SPOCK3: variants seen among roughly 807,000 people sequenced by gnomAD.
SPOCK3 encodes the protein testican-3.
SPOCK3 carries 30 observed loss-of-function variants against 56.6 expected under a neutral mutation model. The ratio of observed to expected loss-of-function variants is 0.53; its 90% CI spans 0.40 to 0.72. The LOEUF is 0.72. Ranked by LOEUF, SPOCK3 falls within the 30% of genes least tolerant of loss-of-function variation. The pLI is 0.00. For synonymous variants in SPOCK3, 196 were observed against 183.3 expected (o/e 1.07, Z -0.56); for missense variants, 527 against 530.0 (o/e 0.99, Z 0.06).
intron 7 of SPOCK3, among the ~76,000 whole-genome samples, chr4:166,780,911 GA>G (rs1301630803): frequency 2.6e-5 from 4 of 152,104 alleles, no homozygotes; most frequent in African/African-American, 4.8e-5. Flanking sequence ...AACAAGTGGA[GA>G]AAAAGGCTGT....
intron 2 of SPOCK3, among the ~76,000 whole-genome samples, chr4:167,184,679 G>A (rs1377346560): frequency 6.6e-6 from 1 of 152,064 alleles, no homozygotes; most frequent in African/African-American, 2.4e-5. Context: ...TTTAAAAACT[G>A]GAAAATAAAA....
chr4:166,767,790 G>A (rs1738315676), intron 7 of SPOCK3, among the ~76,000 whole-genome samples: 1 of 152,144 alleles, frequency 6.6e-6, no homozygotes, highest in South Asian at 2.1e-4. Flanking sequence ...ACAGTAGGGT[G>A]TTAAAGTCTT....
At chr4:166,786,924 T>C (rs1740790996) in intron 7 of SPOCK3, among the ~76,000 whole-genome samples, 1 of 152,140 alleles carries the variant, frequency 6.6e-6, no homozygotes, top group South Asian at 2.1e-4. Context: ...TTTAAGGAGA[T>C]AAAGTATTGA....
At chr4:166,945,657 T>C (rs952811937) in intron 4 of SPOCK3, among the ~76,000 whole-genome samples, 3 of 152,304 alleles carry the variant, frequency 2.0e-5, no homozygotes, top group Admixed American at 2.0e-4. Context: ...TGACCACTAA[T>C]ATCTCATGCT....
At chr4:166,917,330 G>A (rs1737972461) in intron 4 of SPOCK3, among the ~76,000 whole-genome samples, 1 of 151,932 alleles carries the variant, frequency 6.6e-6, no homozygotes, top group African/African-American at 2.4e-5. Context: ...GCCAATTTAT[G>A]CATTATATAT....
chr4:166,842,049 G>C (rs576416422), intron 6 of SPOCK3, among the ~76,000 whole-genome samples: 1 of 152,112 alleles, frequency 6.6e-6, no homozygotes, highest in African/African-American at 2.4e-5. Context: ...CTCTTAAGGC[G>C]TTGCGTCGGG....
At chr4:166,739,487 C>A (rs2126375248) in intron 9 of SPOCK3, among the ~76,000 whole-genome samples, 1 of 152,152 alleles carries the variant, frequency 6.6e-6, no homozygotes, top group African/African-American at 2.4e-5. Flanking sequence ...GTCATCCATC[C>A]ACCTCAACCT....
intron 2 of SPOCK3, among the ~76,000 whole-genome samples, chr4:167,174,248 G>A (rs1007429474): frequency 1.3e-5 from 2 of 151,756 alleles, no homozygotes; most frequent in African/African-American, 4.8e-5. Flanking sequence ...AAAGCAAATA[G>A]CAATTTTATT....
rs913927304 is a variant in SPOCK3, at chr4:167,135,124, T to C, written c.190-72587A>G. On this transcript the variant is annotated intron_variant, in intron 2 of 10. Transcript: ENST00000357545. ...AATATATTAAATATTACATCAATAA[T>C]TACATATTTATATATAATTAGTGAC... 8.6e-5 allele frequency among the ~76,000 whole-genome samples: 13 copies of C among 150,424 alleles called. No homozygotes were observed. The South Asian group carries it at 1.5e-3, about 17-fold the overall frequency.
Position 166,988,987 on chromosome 4 carries a change from C to G in SPOCK3, c.350+11362G>C, listed in dbSNP as rs187796454. ...AATATCTCTAAAGAATTTTCCAGAT[C>G]CAAAATTATTCTAGTTACAAGCAAA... On this transcript the variant is annotated intron_variant, in intron 4 of 10. Transcript: ENST00000357545. Among the ~76,000 whole-genome samples, 45 of 151,980 alleles carry G rather than the reference C, an allele frequency of 3.0e-4. No homozygotes were observed. In the East Asian group the frequency reaches 6.8e-3, roughly 23 times the overall value.
At chr4:166,789,080 T>C (rs1423415140) in intron 7 of SPOCK3, among the ~76,000 whole-genome samples, 1 of 151,980 alleles carries the variant, frequency 6.6e-6, no homozygotes, top group Non-Finnish European at 1.5e-5. Context: ...TTCTATATCT[T>C]ATCAGAATAT....
At chr4:167,172,631 T>TA (rs1730606525) in intron 2 of SPOCK3, among the ~76,000 whole-genome samples, 1 of 152,172 alleles carries the variant, frequency 6.6e-6, no homozygotes, top group African/African-American at 2.4e-5. Context: ...AGTTAGTTTT[T>TA]ATTATACTCA....
At chr4:166,736,329 A>G (rs1017473814) in intron 10 of SPOCK3, among the ~76,000 whole-genome samples, 1 of 152,144 alleles carries the variant, frequency 6.6e-6, no homozygotes, top group African/African-American at 2.4e-5. Context: ...ATTGTCATCA[A>G]TGACAACAGA....
intron 6 of SPOCK3, among the ~76,000 whole-genome samples, chr4:166,815,088 T>G (rs1253505160): frequency 6.6e-6 from 1 of 152,114 alleles, no homozygotes; most frequent in Non-Finnish European, 1.5e-5. Flanking sequence ...CCCTTGTGTA[T>G]GCATATTCAT....
chr4:166,921,888 C>T (rs1387949554), intron 4 of SPOCK3, among the ~76,000 whole-genome samples: 1 of 152,124 alleles, frequency 6.6e-6, no homozygotes, highest in African/African-American at 2.4e-5. Context: ...AGTACCTATG[C>T]GCCCTTCTAG....
chr4:167,223,658 T>G (rs1736296081), intron 2 of SPOCK3, among the ~76,000 whole-genome samples: 1 of 151,934 alleles, frequency 6.6e-6, no homozygotes, highest in African/African-American at 2.4e-5. Context: ...TTAATACATT[T>G]TTAAAAACTA....
chr4:167,009,891 CATG>C (rs1474674220), intron 3 of SPOCK3, among the ~76,000 whole-genome samples: 7 of 151,538 alleles, frequency 4.6e-5, no homozygotes, highest in Admixed American at 2.0e-4. Context: ...ATAAAAACAA[CATG>C]ATAATATGAA....
At chr4:167,012,167 C>G (rs1024770144) in intron 3 of SPOCK3, among the ~76,000 whole-genome samples, 4 of 151,784 alleles carry the variant, frequency 2.6e-5, no homozygotes, top group Admixed American at 2.6e-4. Flanking sequence ...AAGATGCATA[C>G]AAACACAAAT....
At chr4:167,205,517 A>G (rs1476544512) in intron 2 of SPOCK3, among the ~76,000 whole-genome samples, 3 of 58,462 alleles carry the variant, frequency 5.1e-5, no homozygotes, top group Admixed American at 3.4e-4. Context: ...TATAATATAT[A>G]TTATATATAT....
Sources: gnomAD v4.1 joint callset for allele counts (sites outside exome capture counted in the v4.1 genomes callset) on GRCh38, gnomAD v4.1.1 for gene constraint, MANE v1.5 for transcripts, NCBI Gene and HGNC (gene_info 2026-07-23, HGNC 2026-07-21) for gene names.